The following SGCZ variants were observed in gnomAD, a reference collection of about 807,000 sequenced individuals.
The protein encoded by SGCZ is sarcoglycan zeta.
Under a neutral mutation model 41.3 loss-of-function variants are expected in SGCZ, and 40 were observed. That is an observed-to-expected ratio of 0.97 (90% CI 0.75 to 1.26). The LOEUF (loss-of-function observed/expected upper bound fraction) is 1.26, where lower values mean the gene tolerates loss of function less well. Ranked by LOEUF, SGCZ falls within the 50% of genes most tolerant of loss-of-function variation. SGCZ has a pLI of 0.00. For missense variants in SGCZ, 552 were observed against 369.8 expected (o/e 1.49, Z -4.04); for synonymous variants, 206 against 137.5 (o/e 1.50, Z -3.49).
intron 1 of SGCZ, among the ~76,000 whole-genome samples, chr8:14,835,278 C>A (rs559650439): frequency 2.6e-5 from 4 of 152,058 alleles, no homozygotes; most frequent in Non-Finnish European, 5.9e-5. Context: ...TGCGAACTAA[C>A]CTGACCTATT....
chr8:15,180,994 A>C (rs1403716854), intron 1 of SGCZ, among the ~76,000 whole-genome samples: 3 of 152,228 alleles, frequency 2.0e-5, no homozygotes, highest in African/African-American at 7.2e-5. Flanking sequence ...AATGAAGGTA[A>C]ATTTACATTC....
chr8:14,918,102 C>G (rs1048843372), intron 1 of SGCZ, among the ~76,000 whole-genome samples: 1 of 152,122 alleles, frequency 6.6e-6, no homozygotes, highest in Non-Finnish European at 1.5e-5. Context: ...TACTTCAGAT[C>G]CAAGAAGATA....
chr8:14,454,539 A>T (rs79345722), intron 2 of SGCZ, among the ~76,000 whole-genome samples: 2,018 of 152,260 alleles, frequency 0.013, 22 homozygotes, highest in Middle Eastern at 0.024. Context: ...TTAGGGAGTT[A>T]AAAAAAGTAG....
intron 1 of SGCZ, among the ~76,000 whole-genome samples, chr8:15,111,024 T>C (rs1197414282): frequency 6.6e-6 from 1 of 151,968 alleles, no homozygotes; most frequent in Non-Finnish European, 1.5e-5. Context: ...TAACCAACAA[T>C]GAGTCCTGCT....
intron 3 of SGCZ, among the ~76,000 whole-genome samples, chr8:14,315,526 A>G (rs552961763): frequency 6.6e-6 from 1 of 152,082 alleles, no homozygotes; most frequent in African/African-American, 2.4e-5. Context: ...CCCACGCACA[A>G]TTTAATAGTA....
intron 1 of SGCZ, among the ~76,000 whole-genome samples, chr8:14,568,107 C>T (rs1804435237): frequency 1.3e-5 from 2 of 152,008 alleles, no homozygotes; most frequent in African/African-American, 2.4e-5. Flanking sequence ...AGCTGGAAAC[C>T]ATCATCCTCA....
intron 5 of SGCZ, among the ~76,000 whole-genome samples, chr8:14,150,722 C>A (rs1563155129): frequency 2.6e-5 from 4 of 152,084 alleles, no homozygotes; most frequent in Admixed American, 2.6e-4. Flanking sequence ...TATCTACATG[C>A]CTGTGTTTGT....
rs1009856347 is a variant in SGCZ, at chr8:14,792,393, G to A, written c.40-237467C>T. ...GTCCCCTTTTGTAGAAAAGAACTGG[G>A]TGTATTAAGTCTCTCTTTAGAAACA... On this transcript the variant is annotated intron_variant, in intron 1 of 7. Coordinates refer to ENST00000382080, the MANE Select transcript of SGCZ (RefSeq NM_139167.4). Among the ~76,000 whole-genome samples, 5 of 152,008 alleles carry A rather than the reference G, an allele frequency of 3.3e-5. 1 individual carries two copies.
intron 1 of SGCZ, among the ~76,000 whole-genome samples, chr8:15,121,900 C>CAAAAAAAAAAA (rs55783598): frequency 7.9e-6 from 1 of 126,316 alleles, no homozygotes; most frequent in Non-Finnish European, 1.6e-5. Context: ...CGGCAGTTAC[C>CAAAAAAAAAAA]AAAAAAAAAA....
intron 2 of SGCZ, among the ~76,000 whole-genome samples, chr8:14,554,479 TA>T (rs1213587798): frequency 2.0e-5 from 3 of 152,042 alleles, no homozygotes; most frequent in Admixed American, 6.6e-5. Flanking sequence ...TGAAATGTTC[TA>T]ATGAATCAAT....
chr8:14,108,011 C>T, intron 6 of SGCZ, 152 bp downstream of exon 6: 5 of 650,646 alleles, frequency 7.7e-6, no homozygotes, highest in African/African-American at 1.9e-5. Context: ...CTTTTTTTTT[C>T]CACATTCTTC....
chr8:14,860,734 G>GAAAGAAAGAA (rs1554513280), intron 1 of SGCZ, among the ~76,000 whole-genome samples: 1 of 137,708 alleles, frequency 7.3e-6, no homozygotes, highest in Non-Finnish European at 1.6e-5. Flanking sequence ...AAGAAAGAAA[G>GAAAGAAAGAA]AAAGTAAGTA....
intron 6 of SGCZ, among the ~76,000 whole-genome samples, chr8:14,103,915 A>C (rs534856311): frequency 6.6e-6 from 1 of 152,234 alleles, no homozygotes; most frequent in African/African-American, 2.4e-5. Context: ...TGAATGTTAA[A>C]ATGTATTTTT....
At chr8:14,495,189 G>A (rs75013314) in intron 2 of SGCZ, among the ~76,000 whole-genome samples, 7,031 of 152,208 alleles carry the variant, frequency 0.046, 458 homozygotes, top group African/African-American at 0.14. Context: ...TGCTTTATGG[G>A]AACATATTAT....
At chr8:14,467,615 G>C (rs189495467) in intron 2 of SGCZ, among the ~76,000 whole-genome samples, 1 of 152,122 alleles carries the variant, frequency 6.6e-6, no homozygotes, top group East Asian at 1.9e-4. Flanking sequence ...CCTTGTTCCA[G>C]AAATTGCAAG....
chr8:14,528,827 C>CAAAAAA (rs760788606), intron 2 of SGCZ, among the ~76,000 whole-genome samples: 30 of 52,632 alleles, frequency 5.7e-4, no homozygotes, highest in African/African-American at 2.8e-3. Context: ...ACGGACCAGC[C>CAAAAAA]AAAAAAAAAA....
At chr8:14,309,335 A>G in intron 3 of SGCZ, 1 of 1,601,960 alleles carries the variant, frequency 6.2e-7, no homozygotes, top group South Asian at 1.1e-5. Context: ...GGAAGATGAG[A>G]AAAACAAATG....
intron 4 of SGCZ, among the ~76,000 whole-genome samples, chr8:14,231,160 AGTGTGT>A (rs71209027): frequency 9.8e-5 from 11 of 112,036 alleles, no homozygotes; most frequent in African/African-American, 1.4e-4. Flanking sequence ...TCTTTGGGCA[AGTGTGT>A]GTGTGTGTGT....
intron 2 of SGCZ, among the ~76,000 whole-genome samples, chr8:14,329,893 C>T (rs1391288202): frequency 6.6e-6 from 1 of 152,042 alleles, no homozygotes; most frequent in Non-Finnish European, 1.5e-5. Flanking sequence ...TATACTTCCA[C>T]TAAACTGTAC....
Sources: gnomAD v4.1 joint callset for allele counts (sites outside exome capture counted in the v4.1 genomes callset) on GRCh38, gnomAD v4.1.1 for gene constraint, MANE v1.5 for transcripts, NCBI Gene and HGNC (gene_info 2026-07-23, HGNC 2026-07-21) for gene names.